Variants in CPEB1 observed in about 807,000 individuals in gnomAD.
CPEB1 encodes the protein cytoplasmic polyadenylation element binding protein 1.
Under a neutral mutation model 65.8 loss-of-function variants are expected in CPEB1, and 7 were observed. That is an observed-to-expected ratio of 0.11 (90% confidence interval 0.06 to 0.20). The LOEUF (loss-of-function observed/expected upper bound fraction) is 0.20. CPEB1 is among the 10% of genes least tolerant of loss of function. The pLI is 1.00. For missense variants in CPEB1, 551 were observed against 712.2 expected (o/e 0.77, Z 2.58); for synonymous variants, 262 against 260.0 (o/e 1.01, Z -0.08).
chr15:82,605,923 C>T (rs919490751), intron 3 of CPEB1, among the ~76,000 whole-genome samples: 3 of 151,978 alleles, frequency 2.0e-5, no homozygotes, highest in East Asian at 1.9e-4. Flanking sequence ...CTGTAATCCC[C>T]GTTACCCGGG....
At chr15:82,564,626 G>A (rs1002693718) in intron 4 of CPEB1, among the ~76,000 whole-genome samples, 1 of 152,144 alleles carries the variant, frequency 6.6e-6, no homozygotes, top group Non-Finnish European at 1.5e-5. Context: ...GTGTAATACA[G>A]ATTTAGGGGA....
At chr15:82,590,999 T>G (rs2151146421) in intron 3 of CPEB1, among the ~76,000 whole-genome samples, 1 of 152,360 alleles carries the variant, frequency 6.6e-6, no homozygotes, top group East Asian at 1.9e-4. Flanking sequence ...GTTTTTATGG[T>G]AAAACGATTT....
At chr15:82,589,677 C>T (rs1424915209) in intron 3 of CPEB1, among the ~76,000 whole-genome samples, 1 of 151,740 alleles carries the variant, frequency 6.6e-6, no homozygotes, top group Admixed American at 6.6e-5. Flanking sequence ...GCCGAGATTG[C>T]ACCACTGTAC....
At chr15:82,608,929 A>T (rs1443752918) in intron 3 of CPEB1, among the ~76,000 whole-genome samples, 1 of 152,240 alleles carries the variant, frequency 6.6e-6, no homozygotes, top group East Asian at 1.9e-4. Context: ...TCCAGGACAG[A>T]CCATATGTTA....
intron 1 of CPEB1, among the ~76,000 whole-genome samples, chr15:82,630,452 A>C (rs72751675): frequency 0.15 from 22,053 of 152,026 alleles, 1,722 homozygotes; most frequent in Non-Finnish European, 0.19. Flanking sequence ...AAAAAATACA[A>C]AACATTAGAC....
intron 3 of CPEB1, among the ~76,000 whole-genome samples, chr15:82,589,581 C>G (rs895325645): frequency 6.6e-6 from 1 of 151,934 alleles, no homozygotes; most frequent in Non-Finnish European, 1.5e-5. Flanking sequence ...CTGTCTCTAC[C>G]AAAAATACAA....
intron 10 of CPEB1, 95 bp downstream of exon 10, chr15:82,549,365 C>T: frequency 7.8e-7 from 1 of 1,287,536 alleles, no homozygotes; most frequent in Non-Finnish European, 1.1e-6. Flanking sequence ...AGACCTGGGT[C>T]AGGCCTCTCT....
chr15:82,587,391 T>C (rs989109365), intron 3 of CPEB1, among the ~76,000 whole-genome samples: 4 of 152,222 alleles, frequency 2.6e-5, no homozygotes, highest in Non-Finnish European at 5.9e-5. Context: ...CCTGTCACAA[T>C]GCAATCAATT....
At chr15:82,614,871 GTGTGTGTGTATA>G (rs1567223430) in intron 3 of CPEB1, among the ~76,000 whole-genome samples, 3 of 118,996 alleles carry the variant, frequency 2.5e-5, no homozygotes, top group Non-Finnish European at 3.8e-5. Flanking sequence ...GTGTGTGTGT[GTGTGTGTGTATA>G]TATATATATG....
At chr15:82,565,197 C>T (rs1596029481) in intron 4 of CPEB1, among the ~76,000 whole-genome samples, 1 of 152,314 alleles carries the variant, frequency 6.6e-6, no homozygotes, top group African/African-American at 2.4e-5. Flanking sequence ...TGGTCAGATG[C>T]CCTAGAGTGA....
intron 3 of CPEB1, among the ~76,000 whole-genome samples, chr15:82,623,855 C>A (rs1187177002): frequency 6.6e-6 from 1 of 151,852 alleles, no homozygotes; most frequent in African/African-American, 2.4e-5. Context: ...CTTTCTTTGC[C>A]ATTAAGTAGT....
At chr15:82,636,169 A>G (rs1395221082) in intron 1 of CPEB1, among the ~76,000 whole-genome samples, 2 of 152,116 alleles carry the variant, frequency 1.3e-5, no homozygotes, top group African/African-American at 4.8e-5. Flanking sequence ...TTCATTGCCA[A>G]TTTCTTCTGC....
chr15:82,629,050 A>G (rs1225502148), intron 1 of CPEB1: 1 of 157,320 alleles, frequency 6.4e-6, no homozygotes. Flanking sequence ...CCAAGAGTCA[A>G]CTGGACTAAA....
In CPEB1 at chr15:82,628,375, G is replaced by C. The variant is rs1307101248; in HGVS notation, c.85C>G (p.Leu29Val). The change falls in exon 2 of 13, where the codon CTA becomes GTA. Residue 29 changes from leucine (L) to valine (V), a missense_variant. This residue lies in a region of CPEB1 where 223 missense variants were observed against 228.6 expected (regional missense o/e 0.98). Transcript: ENST00000684509. Reference protein sequence around the residue: ...EHSSLSDCLLLIPLEEEAGRI... With the variant: ...EHSSLSDCLLVIPLEEEAGRI... ...AAGAGTTAACATACCAGAGGAATTAGCAGAAGACAATCTGATAGAGATGAG... is the reference window on the plus strand; with the variant it reads ...AAGAGTTAACATACCAGAGGAATTACCAGAAGACAATCTGATAGAGATGAG... The C allele has an allele frequency of 4.3e-6, 3 of 702,832 alleles. No individual in the cohort carries two copies. In the Admixed American group the frequency reaches 6.0e-5, roughly 14 times the overall value. The allele number at this position is 702,832 out of a possible 1,614,324, so 43.5% of individuals were successfully genotyped here.
chr15:82,630,848 T>C (rs759179197), intron 1 of CPEB1, among the ~76,000 whole-genome samples: 1 of 152,184 alleles, frequency 6.6e-6, no homozygotes, highest in Non-Finnish European at 1.5e-5. Context: ...AAGCCTCATA[T>C]GCCAAATTAA....
In CPEB1 at chr15:82,554,011, G is replaced by C. The variant is rs762411267; in HGVS notation, c.941-20C>G. 6.9e-7 allele frequency: 1 copy of C among 1,446,410 alleles called. No homozygotes were observed. The highest frequency in any genetic ancestry group is 1.2e-5 in the South Asian group (1 of 82,994). The allele number at this position is 1,446,410 out of a possible 1,614,324, so 89.6% of individuals were successfully genotyped here. A position where few individuals can be genotyped will look rare whatever the true frequency, so the allele number is the denominator to read the frequency against. ...TCACAGCTTTGGTAGATGGCAAAGA[G>C]ATAAACAGGGGAGGTTAGAGAATCA... On this transcript the variant is annotated intron_variant, in intron 6 of 12. Coordinates refer to ENST00000684509, the MANE Select transcript of CPEB1 (RefSeq NM_001365242.1).
chr15:82,630,575 C>T (rs1358106793), intron 1 of CPEB1, among the ~76,000 whole-genome samples: 1 of 151,858 alleles, frequency 6.6e-6, no homozygotes, highest in African/African-American at 2.4e-5. Flanking sequence ...CACCACACTC[C>T]AGCATGGGTG....
At chr15:82,568,663 A>C (rs1480653664) in intron 4 of CPEB1, among the ~76,000 whole-genome samples, 1 of 152,212 alleles carries the variant, frequency 6.6e-6, no homozygotes, top group Non-Finnish European at 1.5e-5. Context: ...AAAGCTAAGA[A>C]TCCAATGAAA....
intron 12 of CPEB1, among the ~76,000 whole-genome samples, chr15:82,545,050 C>G (rs1045439553): frequency 6.6e-6 from 1 of 152,154 alleles, no homozygotes; most frequent in Non-Finnish European, 1.5e-5. Context: ...TGGCTGCTAA[C>G]GTGGAGAATG....
Sources: gnomAD v4.1 joint callset for allele counts (sites outside exome capture counted in the v4.1 genomes callset) on GRCh38, gnomAD v4.1.1 for gene constraint, gnomAD v4.1.1 regional missense constraint, MANE v1.5 for transcripts, NCBI Gene and HGNC (gene_info 2026-07-23, HGNC 2026-07-21) for gene names.